The following WDR25 variants were observed in gnomAD, a reference collection of about 807,000 sequenced individuals.
WDR25 encodes WD repeat-containing protein 25.
A neutral mutation model predicts 47.7 loss-of-function variants in WDR25; 35 were observed. The ratio of observed to expected loss-of-function variants is 0.73; its 90% CI spans 0.56 to 0.97. The LOEUF (loss-of-function observed/expected upper bound fraction) is 0.97. Ranked by LOEUF, WDR25 falls within the 50% of genes least tolerant of loss-of-function variation. The probability of loss-of-function intolerance (pLI) is 0.00; values close to 1 mark genes in which losing one functional copy is unlikely to be tolerated. For missense variants in WDR25, 634 were observed against 704.7 expected, an observed-to-expected ratio of 0.90 and a Z score of 1.14; for synonymous variants, 248 against 278.9, an observed-to-expected ratio of 0.89 and a Z score of 1.10.
chr14:100,495,320 G>T (rs777830789), intron 4 of WDR25, among the ~76,000 whole-genome samples: 5 of 152,192 alleles, frequency 3.3e-5, no homozygotes, highest in Admixed American at 3.3e-4. Flanking sequence ...CCGTGTCATT[G>T]TATCCAGTCT....
chr14:100,519,391 T>C (rs1901620545), intron 4 of WDR25, among the ~76,000 whole-genome samples: 2 of 152,086 alleles, frequency 1.3e-5, no homozygotes, highest in African/African-American at 4.8e-5. Flanking sequence ...TTTTAATTGC[T>C]ATGTCTTCTA....
At position 100,488,126 on chromosome 14, in the gene WDR25, T is replaced by C. The variant is rs1900444542; in HGVS notation, c.1101+4002T>C. Among the ~76,000 whole-genome samples, 1 of 152,176 alleles carries C rather than the reference T, an allele frequency of 6.6e-6. No individual in the cohort carries two copies. Among genetic ancestry groups the C allele is most frequent in the Admixed American group, 6.5e-5 (1 of 15,286 alleles). On this transcript the variant is annotated intron_variant, in intron 4 of 6. Transcript: ENST00000402312. The surrounding 1 kb of genome is among the most constrained non-coding windows in gnomAD (Gnocchi z 4.2). ...GCTCCCTGTCTCCTCTTCTTGGTGATCTTGGGTGATCTCTCCGCCTCGGGT... is the reference window on the plus strand; with the variant it reads ...GCTCCCTGTCTCCTCTTCTTGGTGACCTTGGGTGATCTCTCCGCCTCGGGT...
Position 100,428,298 on chromosome 14 carries a change from G to T in WDR25, c.823-39723G>T, listed in dbSNP as rs2140226223. Reference sequence around the variant, plus strand: ...GTGAGTGTGGCCTGGGAGGCAGGTGGCCCTGTGGGGTGACTGAGCTGGGCG... The same window carrying T: ...GTGAGTGTGGCCTGGGAGGCAGGTGTCCCTGTGGGGTGACTGAGCTGGGCG... On this transcript the variant is annotated intron_variant, in intron 2 of 6. Coordinates refer to ENST00000402312, the MANE Select transcript of WDR25 (RefSeq NM_001161476.3). This position sits in a 1 kb window ranked among gnomAD's most constrained non-coding sequence, Gnocchi z 4.3. Among the ~76,000 whole-genome samples the T allele has an allele frequency of 2.6e-5, 4 of 152,336 alleles. No homozygotes were observed. The South Asian group carries it at 8.3e-4, about 32-fold the overall frequency.
At chr14:100,380,503 T>C (rs1461152442) in intron 1 of WDR25, among the ~76,000 whole-genome samples, 1 of 151,842 alleles carries the variant, frequency 6.6e-6, no homozygotes, top group Non-Finnish European at 1.5e-5. Context: ...TTCTTTCTTT[T>C]TTTTTTTTGA....
chr14:100,390,426 T>TGTGTGTGTGTGTGTGC (rs1413707045), intron 2 of WDR25, among the ~76,000 whole-genome samples: 14 of 150,484 alleles, frequency 9.3e-5, no homozygotes, highest in Admixed American at 3.3e-4. Context: ...TGTGTGTGTG[T>TGTGTGTGTGTGTGTGC]GCATGCACAC....
At chr14:100,397,937 C>T (rs1367895050) in intron 2 of WDR25, among the ~76,000 whole-genome samples, 1 of 152,210 alleles carries the variant, frequency 6.6e-6, no homozygotes, top group Non-Finnish European at 1.5e-5. Flanking sequence ...CTCGCAGGCT[C>T]AAGCAATTCT....
At chr14:100,457,365 C>T (rs560234854) in intron 2 of WDR25, among the ~76,000 whole-genome samples, 1 of 152,306 alleles carries the variant, frequency 6.6e-6, no homozygotes, top group South Asian at 2.1e-4. Flanking sequence ...CTGAACTTCT[C>T]ATTGGAAATA....
rs191645909 is a variant in WDR25 at position 100,516,539 on chromosome 14, A to G, written c.1102-9331A>G. On this transcript the variant is annotated intron_variant, in intron 4 of 6. Coordinates refer to ENST00000402312, the MANE Select transcript of WDR25 (RefSeq NM_001161476.3). ...TCAGTTTTTGCTTCATGTATTTTGA[A>G]AGTCTGTTATTAGGTATATACATAT... 2.0e-3 allele frequency among the ~76,000 whole-genome samples: 300 copies of G among 152,174 alleles called. 4 individuals are homozygous for G. The highest frequency in any genetic ancestry group is 0.016 in the Admixed American group (246 of 15,280).
chr14:100,465,264 A>G (rs1322887401), intron 2 of WDR25, among the ~76,000 whole-genome samples: 1 of 152,202 alleles, frequency 6.6e-6, no homozygotes, highest in African/African-American at 2.4e-5. Flanking sequence ...CAGTGGCATT[A>G]AGCACATTCA....
At chr14:100,419,299 G>A (rs1040319725) in intron 2 of WDR25, among the ~76,000 whole-genome samples, 2 of 151,246 alleles carry the variant, frequency 1.3e-5, no homozygotes, top group Non-Finnish European at 2.9e-5. Context: ...CGCTCCTTCC[G>A]CCTACCTCTT....
At chr14:100,386,809 C>T (rs559586813) in intron 2 of WDR25, among the ~76,000 whole-genome samples, 1 of 152,058 alleles carries the variant, frequency 6.6e-6, no homozygotes, top group Non-Finnish European at 1.5e-5. Flanking sequence ...AGGAGAATGG[C>T]ATGAACCCAG....
intron 2 of WDR25, among the ~76,000 whole-genome samples, chr14:100,387,528 G>A (rs1897046678): frequency 6.6e-6 from 1 of 152,184 alleles, no homozygotes; most frequent in Admixed American, 6.5e-5. Context: ...GATGGAGAGC[G>A]CTAGCCATTG....
intron 2 of WDR25, among the ~76,000 whole-genome samples, chr14:100,435,629 A>G (rs953086568): frequency 4.6e-5 from 7 of 152,310 alleles, no homozygotes; most frequent in East Asian, 1.9e-4. Flanking sequence ...TGCTCCTGCT[A>G]TGGGGGCAAC....
At chr14:100,464,754 TCA>T (rs1899555616) in intron 2 of WDR25, among the ~76,000 whole-genome samples, 1 of 12,044 alleles carries the variant, frequency 8.3e-5, no homozygotes, top group Non-Finnish European at 1.4e-4. Flanking sequence ...TCATCTCATC[TCA>T]TCTCATCTCA....
chr14:100,413,334 C>G (rs1422696741), intron 2 of WDR25, among the ~76,000 whole-genome samples: 1 of 152,156 alleles, frequency 6.6e-6, no homozygotes, highest in Admixed American at 6.5e-5. Flanking sequence ...TAGTTCCACC[C>G]CCAACCTCAG....
chr14:100,507,313 G>C (rs1358875550), intron 4 of WDR25, among the ~76,000 whole-genome samples: 1 of 152,188 alleles, frequency 6.6e-6, no homozygotes, highest in Non-Finnish European at 1.5e-5. Flanking sequence ...TAGCCTTATA[G>C]TATAGTTTGA....
intron 1 of WDR25, among the ~76,000 whole-genome samples, chr14:100,377,349 G>C (rs991562373): frequency 1.3e-5 from 2 of 152,084 alleles, no homozygotes; most frequent in African/African-American, 4.8e-5. Context: ...GCCCAGGCTG[G>C]AGTGCAGTGG....
chr14:100,510,771 T>G (rs1901285396), intron 4 of WDR25, among the ~76,000 whole-genome samples: 1 of 129,434 alleles, frequency 7.7e-6, no homozygotes, highest in Admixed American at 7.1e-5. Context: ...TAATGTAAAT[T>G]TTTTTTTTTT....
intron 4 of WDR25, among the ~76,000 whole-genome samples, chr14:100,518,880 C>T (rs1037151843): frequency 5.4e-5 from 8 of 149,320 alleles, no homozygotes; most frequent in East Asian, 2.0e-4. Flanking sequence ...GGGGACAGAG[C>T]GAGACTTCAT....
Sources: gnomAD v4.1 joint callset for allele counts (sites outside exome capture counted in the v4.1 genomes callset) on GRCh38, gnomAD v4.1.1 for gene constraint, Gnocchi (gnomAD v3.1) non-coding constraint, MANE v1.5 for transcripts, NCBI Gene and HGNC (gene_info 2026-07-23, HGNC 2026-07-21) for gene names.